Variants in PACRG observed in about 807,000 individuals in gnomAD.
PACRG encodes parkin coregulated gene protein.
PACRG carries 29 observed loss-of-function variants against 29.7 expected under a neutral mutation model. The ratio of observed to expected loss-of-function variants is 0.98; its 90% confidence interval spans 0.73 to 1.33. The LOEUF (loss-of-function observed/expected upper bound fraction) is 1.33. PACRG is among the 40% of genes most tolerant of loss of function. The pLI, the probability that PACRG is intolerant of heterozygous loss-of-function variation, is 0.00. For missense variants in PACRG, 279 were observed against 316.2 expected (o/e 0.88, Z 0.89); for synonymous variants, 116 against 118.7 (o/e 0.98, Z 0.15).
chr6:162,743,381 C>G (rs1461107498), intron 1 of PACRG, among the ~76,000 whole-genome samples: 1 of 152,034 alleles, frequency 6.6e-6, no homozygotes, highest in Non-Finnish European at 1.5e-5. Flanking sequence ...GTGTTAATCA[C>G]TCTTGAATTA....
At chr6:163,245,513 T>C (rs1022159962) in intron 4 of PACRG, among the ~76,000 whole-genome samples, 2 of 152,214 alleles carry the variant, frequency 1.3e-5, no homozygotes, top group African/African-American at 4.8e-5. Flanking sequence ...TGGTTAGTTC[T>C]AAGTCAGCCA....
chr6:163,116,182 G>T (rs1027466204), intron 4 of PACRG, among the ~76,000 whole-genome samples: 2 of 152,146 alleles, frequency 1.3e-5, no homozygotes, highest in African/African-American at 4.8e-5. Flanking sequence ...TCTGCTCCTG[G>T]GCTTCTGCCT....
intron 2 of PACRG, among the ~76,000 whole-genome samples, chr6:163,027,183 A>T (rs1359454140): frequency 6.6e-6 from 1 of 152,202 alleles, no homozygotes; most frequent in Admixed American, 6.5e-5. Flanking sequence ...CTGGAAATAG[A>T]GTGTGACTCT....
chr6:162,912,371 C>T (rs1213490884), intron 2 of PACRG, among the ~76,000 whole-genome samples: 7 of 152,046 alleles, frequency 4.6e-5, no homozygotes, highest in Admixed American at 2.6e-4. Context: ...AACTGGTCTT[C>T]GGGTGCATGT....
At chr6:163,249,564 C>A (rs1357067089) in intron 4 of PACRG, among the ~76,000 whole-genome samples, 1 of 152,192 alleles carries the variant, frequency 6.6e-6, no homozygotes, top group Non-Finnish European at 1.5e-5. Flanking sequence ...GGAGCCAACT[C>A]TCTCGCCTCC....
In PACRG at chr6:163,314,986, A is replaced by G. The variant is rs781052252; in HGVS notation, c.773A>G (p.Ter258=). ...ACCTACGAGTCTTGCTTGCTAAACT[A>G]ACAGTGGCAGCAGCTGGGACTTGAA... ...VPTYESCLLN[*] The change falls in exon 5 of 5, where the codon TAA becomes TGA. Residue 258 remains the stop codon, a stop_retained_variant. Coordinates refer to ENST00000366888, the MANE Select transcript of PACRG (RefSeq NM_001080379.2). 1.4e-5 allele frequency: 22 copies of G among 1,612,854 alleles called. No individual in the cohort carries two copies. The highest frequency in any genetic ancestry group is 1.9e-5 in the Non-Finnish European group (22 of 1,179,340).
At chr6:162,900,200 A>G (rs13211224) in intron 2 of PACRG, among the ~76,000 whole-genome samples, 12,212 of 152,104 alleles carry the variant, frequency 0.08, 545 homozygotes, top group Middle Eastern at 0.13. Flanking sequence ...CAACACGCAC[A>G]TATGCACTCA....
At chr6:162,899,082 A>G (rs1205419648) in intron 2 of PACRG, among the ~76,000 whole-genome samples, 3 of 152,194 alleles carry the variant, frequency 2.0e-5, no homozygotes, top group African/African-American at 7.2e-5. Flanking sequence ...TATCAAGGTT[A>G]TATTGTAGTA....
intron 1 of PACRG, among the ~76,000 whole-genome samples, chr6:162,778,378 T>G (rs1783818692): frequency 6.6e-6 from 1 of 152,192 alleles, no homozygotes; most frequent in East Asian, 1.9e-4. Context: ...AGGTATTGCC[T>G]TGTTTTTATA....
rs137937967 is a variant in PACRG at position 162,986,265 on chromosome 6, G to A, written c.292-75885G>A. 7.1e-3 allele frequency among the ~76,000 whole-genome samples: 1,080 copies of A among 152,178 alleles called. 16 individuals carry two copies. The highest frequency in any genetic ancestry group is 0.024 in the African/African-American group (1,016 of 41,516). ...TCCCACATAGCCAAAGCAGGACTAA[G>A]CAAAAAGAACAAATCTGAAGGCCTC... On this transcript the variant is annotated intron_variant, in intron 2 of 4. Transcript: ENST00000366888.
intron 1 of PACRG, among the ~76,000 whole-genome samples, chr6:162,811,042 A>G (rs1187346373): frequency 3.3e-5 from 5 of 152,006 alleles, no homozygotes; most frequent in Non-Finnish European, 5.9e-5. Context: ...TGGCATAACT[A>G]AAAAAAAGTG....
At chr6:163,094,848 A>T (rs1045471619) in intron 4 of PACRG, among the ~76,000 whole-genome samples, 4 of 152,186 alleles carry the variant, frequency 2.6e-5, no homozygotes, top group African/African-American at 4.8e-5. Context: ...TCTCTCATCT[A>T]AACTACACAG....
intron 1 of PACRG, among the ~76,000 whole-genome samples, chr6:162,765,906 C>CT (rs1300476621): frequency 2.6e-5 from 4 of 151,816 alleles, no homozygotes; most frequent in African/African-American, 9.7e-5. Flanking sequence ...GGTGTTTCTT[C>CT]TTTTTTCTTT....
intron 2 of PACRG, among the ~76,000 whole-genome samples, chr6:162,835,756 A>C (rs1475868623): frequency 6.6e-6 from 1 of 152,116 alleles, no homozygotes; most frequent in Non-Finnish European, 1.5e-5. Flanking sequence ...CTTGTTGAGG[A>C]AATGAAAATT....
intron 2 of PACRG, among the ~76,000 whole-genome samples, chr6:162,947,324 A>ATATATATGAT (rs1562765417): frequency 1.2e-5 from 1 of 84,764 alleles, no homozygotes; most frequent in African/African-American, 4.1e-5. Context: ...CATATATAAT[A>ATATATATGAT]CATATAATCA....
intron 4 of PACRG, among the ~76,000 whole-genome samples, chr6:163,098,049 G>A (rs537331606): frequency 2.6e-5 from 4 of 152,176 alleles, no homozygotes; most frequent in African/African-American, 9.7e-5. Context: ...TGTCATGTGA[G>A]GTTATGCTAG....
rs77665602 is a variant in PACRG at position 163,250,403 on chromosome 6, C to T, written c.614-64424C>T. On this transcript the variant is annotated intron_variant, in intron 4 of 4. Coordinates refer to ENST00000366888, the MANE Select transcript of PACRG (RefSeq NM_001080379.2). ...GGGGGCCCCATGCACCGGAGTTCTG[C>T]TCCTCCACACTGCTTCTGCAGAATT... Among the ~76,000 whole-genome samples the T allele has an allele frequency of 3.1e-4, 47 of 152,352 alleles. No homozygotes were observed. The East Asian group carries it at 8.5e-3, about 28-fold the overall frequency.
chr6:162,727,996 C>T lies in PACRG; in HGVS notation c.-240C>T, dbSNP rs1584142638. The T allele has an allele frequency of 3.2e-6, 2 of 623,984 alleles. No homozygotes were observed. The highest frequency in any genetic ancestry group is 2.9e-5 in the Admixed American group (1 of 34,778). 38.7% of individuals were successfully genotyped at this position (623,984 alleles called of 1,614,324 possible). A position where few individuals can be genotyped will look rare whatever the true frequency, so the allele number is the denominator to read the frequency against. On this transcript the variant is annotated 5_prime_UTR_variant, in exon 1 of 5. Coordinates refer to ENST00000366888, the MANE Select transcript of PACRG (RefSeq NM_001080379.2). ...GTCGCTTAGCAACCGGGAGGCTTACCTTTGGAAGCTTGTTGCAGCTCTAGC... is the reference window on the plus strand; with the variant it reads ...GTCGCTTAGCAACCGGGAGGCTTACTTTTGGAAGCTTGTTGCAGCTCTAGC...
rs551287802 is a variant in PACRG at position 163,235,866 on chromosome 6, A to G, written c.614-78961A>G. ...TGGTTTGATATTTTATTATTGTCAA[A>G]TATTGCTTATAAGAGAGAGGCTTTG... On this transcript the variant is annotated intron_variant, in intron 4 of 4. Coordinates refer to ENST00000366888, the MANE Select transcript of PACRG (RefSeq NM_001080379.2). Among the ~76,000 whole-genome samples, 347 of 152,292 alleles carry G rather than the reference A, an allele frequency of 2.3e-3. 1 individual carries two copies. The highest frequency in any genetic ancestry group is 3.6e-3 in the Non-Finnish European group (248 of 68,034).
Sources: gnomAD v4.1 joint callset for allele counts (sites outside exome capture counted in the v4.1 genomes callset) on GRCh38, gnomAD v4.1.1 for gene constraint, MANE v1.5 for transcripts, NCBI Gene and HGNC (gene_info 2026-07-23, HGNC 2026-07-21) for gene names.